The following ARHGEF4 variants were observed in gnomAD, a reference collection of about 807,000 sequenced individuals.
The protein encoded by ARHGEF4 is Rho guanine nucleotide exchange factor 4, also known as APC-stimulated guanine nucleotide exchange factor 1.
A neutral mutation model predicts 162.0 loss-of-function variants in ARHGEF4; 119 were observed. The ratio of observed to expected loss-of-function variants is 0.73; its 90% confidence interval spans 0.63 to 0.86. The LOEUF is 0.86. Among genes scored for constraint, ARHGEF4 ranks in the 40% least tolerant of loss-of-function variants. The pLI is 0.00. For synonymous variants in ARHGEF4, 1,014 were observed against 979.9 expected, an observed-to-expected ratio of 1.03 and a Z score of -0.65; for missense variants, 2,488 against 2,456.0, an observed-to-expected ratio of 1.01 and a Z score of -0.28.
At position 130,915,435 on chromosome 2, in the gene ARHGEF4, G is replaced by A. The variant is rs1219911344; in HGVS notation, c.1489G>A (p.Val497Ile). The A allele has an allele frequency of 1.3e-6, 2 of 1,550,602 alleles. No homozygotes were observed. The highest frequency in any genetic ancestry group is 1.7e-6 in the Non-Finnish European group (2 of 1,147,008). Residue 497 changes from valine (V) to isoleucine (I), a missense_variant, in exon 2 of 14, where the codon GTC becomes ATC. Physicochemically the swap from Val to Ile is conservative, Grantham distance 29 (BLOSUM62 3). Around this residue, in one of 6 missense-constraint regions of ARHGEF4, gnomAD observed 1,642 missense variants for 1,481.5 expected, o/e 1.11. Transcript: ENST00000409359. The stretch of plus-strand genomic sequence containing the variant: ...ACAGAAGCACCTCTGGGGCATTTCT[G>A]TCCAGGCAGGAAACCAAACCAGTAA... The part of the protein sequence containing the change: ...ETQKHLWGIS[V>I]QAGNQTSNYT...
intron 5 of ARHGEF4, chr2:131,035,902 C>T (rs1690240780): frequency 2.0e-6 from 2 of 979,870 alleles, no homozygotes; most frequent in Non-Finnish European, 2.4e-6. Flanking sequence ...AGCCTGGCAG[C>T]GTTGCCCTTC....
Position 131,043,493 on chromosome 2 carries a change from G to T in ARHGEF4, c.5067G>T (p.Ser1689=), listed in dbSNP as rs199937668. 7 of 1,614,012 alleles carry T rather than the reference G, an allele frequency of 4.3e-6. No individual in the cohort carries two copies. Among genetic ancestry groups the T allele is most frequent in the Non-Finnish European group, 5.9e-6 (7 of 1,180,012 alleles). ...LLVRSSELIY[S]GELTRVTQPQ... ...TCAGGAGCTCAGAACTCATCTACTC[G>T]GGGGAGCTGACTCGAGTTACACAGC... The change falls in exon 11 of 14, where the codon TCG becomes TCT. Residue 1689 remains serine, a synonymous_variant. Transcript: ENST00000409359.
At chr2:131,035,519 G>A in intron 5 of ARHGEF4, 1 of 448,780 alleles carries the variant, frequency 2.2e-6, no homozygotes, top group Non-Finnish European at 3.2e-6. Context: ...CCAAAATGGC[G>A]CGTCTCTGCG....
chr2:130,855,775 CG>C (rs1383866847), intron 1 of ARHGEF4, among the ~76,000 whole-genome samples: 3 of 152,094 alleles, frequency 2.0e-5, no homozygotes, highest in African/African-American at 7.2e-5. Context: ...TAATCTAAGC[CG>C]GCTAAGTCGT....
Position 131,045,379 on chromosome 2 carries a change from C to T in ARHGEF4, c.5412C>T (p.Ile1804=). The T allele has an allele frequency of 6.2e-7, 1 of 1,613,190 alleles. No individual in the cohort carries two copies. The highest frequency in any genetic ancestry group is 1.7e-4 in the Middle Eastern group (1 of 6,058). Residue 1804 remains isoleucine, a synonymous_variant, in exon 13 of 14, where the codon ATC becomes ATT. Transcript: ENST00000409359. ...GTGCCCCTTCCTCAGGCTTCTCCAT[C>T]ACTGAACTGCAGAGGAAGCAGGCCA... is the stretch of plus-strand genomic sequence containing the variant. ...VQLDQETGFS[I]TELQRKQAML... is the part of the protein sequence containing the mutation.
chr2:130,978,187 T>C (rs1331149878), intron 4 of ARHGEF4, among the ~76,000 whole-genome samples: 8 of 152,098 alleles, frequency 5.3e-5, no homozygotes, highest in African/African-American at 1.7e-4. Context: ...CTGGTTTCAG[T>C]CCCCCCTTTC....
intron 1 of ARHGEF4, 109 bp from the exon 2 acceptor site, chr2:130,913,877 A>G (rs1681339545): frequency 7.5e-7 from 1 of 1,336,998 alleles, no homozygotes. Context: ...TGGGGAACTA[A>G]TGAGCCATTT....
rs577121660 is a variant in ARHGEF4, at chr2:130,914,052, C to G, written c.106C>G (p.Pro36Ala). The G allele has an allele frequency of 5.5e-5, 85 of 1,536,140 alleles. 1 individual carries two copies. In the African/African-American group the frequency reaches 9.8e-4, roughly 18 times the overall value. Residue 36 changes from proline (P) to alanine (A), a missense_variant, in exon 2 of 14, where the codon CCT (proline) becomes GCT (alanine). By Grantham distance (27) the Pro-to-Ala change is conservative. This residue lies in a region of ARHGEF4 where 171 missense variants were observed against 169.4 expected (regional missense o/e 1.01). Transcript: ENST00000409359. The stretch of plus-strand genomic sequence containing the variant: ...TGAAGATAACCAGCTCCCCACATCC[C>G]CTGCAGAACAAGTGGAGCAGGGATG... ...EIEDNQLPTS[P>A]AEQVEQGWNQ...
chr2:130,983,794 C>T (rs917881286), intron 4 of ARHGEF4, among the ~76,000 whole-genome samples: 4 of 152,172 alleles, frequency 2.6e-5, no homozygotes, highest in Admixed American at 6.5e-5. Context: ...GGACTACAGG[C>T]GTCCGCCACC....
rs544166215 is a variant in ARHGEF4 at position 130,941,409 on chromosome 2, C to T, written c.3859-5100C>T. Among the ~76,000 whole-genome samples, 11 of 151,812 alleles carry T rather than the reference C, an allele frequency of 7.2e-5. No individual in the cohort carries two copies. In the South Asian group the frequency reaches 1.3e-3, roughly 17 times the overall value. On this transcript the variant is annotated intron_variant, in intron 3 of 13. Coordinates refer to ENST00000409359, the MANE Select transcript of ARHGEF4 (RefSeq NM_001367493.1). ...AGTAGAGACAGGATTTTACCATGTT[C>T]GCCAGGCTGGTCTCAAACTCCTGAG...
chr2:130,881,970 G>C (rs1394387364), intron 1 of ARHGEF4, among the ~76,000 whole-genome samples: 1 of 152,088 alleles, frequency 6.6e-6, no homozygotes, highest in African/African-American at 2.4e-5. Context: ...CAGCGCTTGG[G>C]GTAATCAAGA....
At chr2:130,956,131 G>T (rs1268998022) in intron 4 of ARHGEF4, among the ~76,000 whole-genome samples, 4 of 152,186 alleles carry the variant, frequency 2.6e-5, no homozygotes, top group Admixed American at 2.6e-4. Flanking sequence ...TTTGCTATCA[G>T]TCTGCCCCTA....
At position 130,914,214 on chromosome 2, in the gene ARHGEF4, C is replaced by T. The variant is rs1681359913; in HGVS notation, c.268C>T (p.His90Tyr). The change falls in exon 2 of 14, where the codon CAC becomes TAC. Residue 90 changes from histidine to tyrosine, a missense_variant. Around this residue, in one of 6 missense-constraint regions of ARHGEF4, gnomAD observed 171 missense variants for 169.4 expected, o/e 1.01. Coordinates refer to ENST00000409359, the MANE Select transcript of ARHGEF4 (RefSeq NM_001367493.1). ...TGGGTACCTCCCGAGGGGAGTCTTC[C>T]ACCCTCTAAGAGGTACTCCCGTAGA... The part of the protein sequence containing the change: ...LSGYLPRGVF[H>Y]PLRGTPVDIE... 2.0e-6 allele frequency: 3 copies of T among 1,536,088 alleles called. No homozygotes were observed. The highest frequency in any genetic ancestry group is 1.7e-4 in the Middle Eastern group (1 of 5,982).
chr2:130,906,597 GC>G (rs1680823481), intron 1 of ARHGEF4, among the ~76,000 whole-genome samples: 1 of 152,180 alleles, frequency 6.6e-6, no homozygotes, highest in Non-Finnish European at 1.5e-5. Context: ...TTAGAGACCA[GC>G]CTGGCCAACA....
At chr2:131,014,589 C>T (rs965189674) in intron 4 of ARHGEF4, among the ~76,000 whole-genome samples, 2 of 152,158 alleles carry the variant, frequency 1.3e-5, no homozygotes, top group African/African-American at 4.8e-5. Flanking sequence ...TGATTTCTTT[C>T]AGTGCTCCAT....
At chr2:130,889,472 TAGTG>T (rs1679726246) in intron 1 of ARHGEF4, among the ~76,000 whole-genome samples, 1 of 152,052 alleles carries the variant, frequency 6.6e-6, no homozygotes, top group Non-Finnish European at 1.5e-5. Context: ...AGATTTGCCT[TAGTG>T]AGAGGCTACT....
At position 130,883,919 on chromosome 2, in the gene ARHGEF4, A is replaced by G. The variant is rs936373194; in HGVS notation, c.40-30067A>G. 6.6e-5 allele frequency among the ~76,000 whole-genome samples: 10 copies of G among 152,112 alleles called. 2 individuals carry two copies. The highest frequency in any genetic ancestry group is 2.4e-4 in the African/African-American group (10 of 41,356). On this transcript the variant is annotated intron_variant, in intron 1 of 13. Coordinates refer to ENST00000409359, the MANE Select transcript of ARHGEF4 (RefSeq NM_001367493.1). ...ATCTATAAAATATGGAATAATAGGT[A>G]TCTTTTCAGGGTACTTGAGCATTAA...
In ARHGEF4 at chr2:130,985,714, A is replaced by C. The variant is rs148781409; in HGVS notation, c.3985+39079A>C. On this transcript the variant is annotated intron_variant, in intron 4 of 13. Transcript: ENST00000409359. The stretch of plus-strand genomic sequence containing the variant: ...TTATGCAAAAACAACTGTCTGTGGC[A>C]CTATTGGGTAGGTTTCAAGTGTCTT... Among the ~76,000 whole-genome samples the C allele has an allele frequency of 7.0e-3, 1,071 of 152,262 alleles. 8 individuals are homozygous for C. Among genetic ancestry groups the C allele is most frequent in the Non-Finnish European group, 9.9e-3 (670 of 68,008 alleles).
intron 4 of ARHGEF4, among the ~76,000 whole-genome samples, chr2:130,974,358 T>G (rs1040645586): frequency 6.6e-6 from 1 of 152,104 alleles, no homozygotes; most frequent in African/African-American, 2.4e-5. Flanking sequence ...TTTTTTTTCC[T>G]TATCAACCTT....
Sources: gnomAD v4.1 joint callset for allele counts (sites outside exome capture counted in the v4.1 genomes callset) on GRCh38, gnomAD v4.1.1 for gene constraint, gnomAD v4.1.1 regional missense constraint, MANE v1.5 for transcripts, NCBI Gene and HGNC (gene_info 2026-07-23, HGNC 2026-07-21) for gene names.